Variants in PDE11A observed in about 807,000 individuals in gnomAD.
PDE11A encodes dual 3',5'-cyclic-AMP and -GMP phosphodiesterase 11A.
A neutral mutation model predicts 100.5 loss-of-function variants in PDE11A; 100 were observed. The ratio of observed to expected loss-of-function variants is 1.00; its 90% CI spans 0.85 to 1.18. The LOEUF (loss-of-function observed/expected upper bound fraction) is 1.18, where lower values mean the gene tolerates loss of function less well. Ranked by LOEUF, PDE11A falls within the 50% of genes most tolerant of loss-of-function variation. The pLI, the probability that PDE11A is intolerant of heterozygous loss-of-function variation, is 0.00. For missense variants in PDE11A, 1,141 were observed against 1,152.6 expected, an observed-to-expected ratio of 0.99 and a Z score of 0.15; for synonymous variants, 381 against 420.8, an observed-to-expected ratio of 0.91 and a Z score of 1.16.
chr2:177,867,505 G>A (rs2084050988), intron 5 of PDE11A, among the ~76,000 whole-genome samples: 5 of 152,092 alleles, frequency 3.3e-5, no homozygotes, highest in Admixed American at 2.6e-4. Flanking sequence ...CAAGGTGGGC[G>A]CATCACGAGG....
At chr2:177,693,204 A>G (rs2081066974) in intron 15 of PDE11A, among the ~76,000 whole-genome samples, 1 of 152,142 alleles carries the variant, frequency 6.6e-6, no homozygotes, top group Non-Finnish European at 1.5e-5. Context: ...GGTCCTGCGG[A>G]TCACATACTT....
At chr2:177,652,312 C>A (rs2080322543) in intron 19 of PDE11A, among the ~76,000 whole-genome samples, 1 of 152,202 alleles carries the variant, frequency 6.6e-6, no homozygotes, top group Non-Finnish European at 1.5e-5. Context: ...TTCCTAAGAA[C>A]ATGTCATCTG....
At chr2:177,920,408 G>A (rs1393862011) in intron 2 of PDE11A, among the ~76,000 whole-genome samples, 2 of 151,460 alleles carry the variant, frequency 1.3e-5, no homozygotes, top group Non-Finnish European at 2.9e-5. Flanking sequence ...ATAGCTAAAA[G>A]AAGAACAAAA....
chr2:178,054,836 A>T (rs2086878422), intron 1 of PDE11A, among the ~76,000 whole-genome samples: 1 of 152,240 alleles, frequency 6.6e-6, no homozygotes, highest in Non-Finnish European at 1.5e-5. Flanking sequence ...ATCATTAAAA[A>T]GTCAGGAAAC....
At chr2:177,997,645 C>T (rs554007302) in intron 2 of PDE11A, 1 of 1,472,686 alleles carries the variant, frequency 6.8e-7, no homozygotes, top group African/African-American at 1.4e-5. Context: ...GTATTGCAGC[C>T]TGATTTTGAA....
upstream of PDE11A, chr2:178,073,000 C>G: frequency 1.0e-6 from 1 of 985,314 alleles, no homozygotes; most frequent in Non-Finnish European, 1.2e-6. Context: ...GGGAAACGCA[C>G]CTTGTTCCTT....
chr2:177,670,058 G>T (rs1486008802), intron 17 of PDE11A, among the ~76,000 whole-genome samples: 1 of 152,214 alleles, frequency 6.6e-6, no homozygotes, highest in East Asian at 1.9e-4. Context: ...ACCAATATTT[G>T]TATGCACTCT....
At chr2:177,709,873 C>T (rs1011008134) in intron 13 of PDE11A, among the ~76,000 whole-genome samples, 1 of 152,114 alleles carries the variant, frequency 6.6e-6, no homozygotes, top group African/African-American at 2.4e-5. Context: ...CCACGGGTGT[C>T]ATTCCTGAGG....
chr2:177,873,839 G>T (rs2084186023), intron 5 of PDE11A, among the ~76,000 whole-genome samples: 1 of 152,056 alleles, frequency 6.6e-6, no homozygotes, highest in East Asian at 1.9e-4. Flanking sequence ...TTTACTTACT[G>T]GTTTCTATTT....
chr2:177,743,270 T>G (rs1370656), intron 10 of PDE11A, among the ~76,000 whole-genome samples: 117,539 of 152,170 alleles, frequency 0.77, 46,840 homozygotes, highest in East Asian at 0.99. Context: ...GATCACTAAT[T>G]GTTAGCACCA....
intron 14 of PDE11A, among the ~76,000 whole-genome samples, chr2:177,699,360 C>T (rs959752330): frequency 9.9e-5 from 15 of 152,280 alleles, no homozygotes; most frequent in African/African-American, 3.6e-4. Flanking sequence ...ATGGGACCAC[C>T]GTCGCACCAA....
In PDE11A at chr2:177,885,453, C is replaced by G. The variant is rs80283420; in HGVS notation, c.1303-9530G>C. 9.7e-3 allele frequency among the ~76,000 whole-genome samples: 1,477 copies of G among 152,206 alleles called. 20 individuals carry two copies. The highest frequency in any genetic ancestry group is 0.034 in the African/African-American group (1,406 of 41,530). The stretch of plus-strand genomic sequence containing the variant: ...CATGCGCTGTCCTGGAACCAATACC[C>G]AACAGATACTGAGGGATGACTGTGT... On this transcript the variant is annotated intron_variant, in intron 4 of 19. Transcript: ENST00000286063.
At chr2:177,751,915 A>AT (rs2082031074) in intron 10 of PDE11A, among the ~76,000 whole-genome samples, 1 of 152,038 alleles carries the variant, frequency 6.6e-6, no homozygotes, top group African/African-American at 2.4e-5. Flanking sequence ...TTCTGTTCTC[A>AT]TTTTTGTGAC....
chr2:177,979,199 C>T (rs2085848023), intron 2 of PDE11A, among the ~76,000 whole-genome samples: 1 of 150,594 alleles, frequency 6.6e-6, no homozygotes, highest in Non-Finnish European at 1.5e-5. Flanking sequence ...ATGCATATGT[C>T]CCAGATTGCA....
chr2:177,778,108 A>G (rs1274976040), intron 9 of PDE11A, among the ~76,000 whole-genome samples: 1 of 152,262 alleles, frequency 6.6e-6, no homozygotes, highest in Non-Finnish European at 1.5e-5. Context: ...GAAAGAAGTC[A>G]CGTTTTTGTG....
At chr2:177,768,369 T>C (rs2082266920) in intron 10 of PDE11A, among the ~76,000 whole-genome samples, 1 of 152,220 alleles carries the variant, frequency 6.6e-6, no homozygotes, top group Non-Finnish European at 1.5e-5. Flanking sequence ...CTCTGCACCA[T>C]ATATATGCAA....
chr2:177,729,379 G>T (rs1049884519), intron 10 of PDE11A, among the ~76,000 whole-genome samples: 1 of 152,150 alleles, frequency 6.6e-6, no homozygotes, highest in African/African-American at 2.4e-5. Context: ...AGTCTGATGT[G>T]TAGTTTTCAT....
intron 2 of PDE11A, among the ~76,000 whole-genome samples, chr2:177,908,664 C>A (rs2084828344): frequency 6.6e-6 from 1 of 152,122 alleles, no homozygotes; most frequent in African/African-American, 2.4e-5. Flanking sequence ...TGGTGTGCGT[C>A]CAGCTATAGC....
intron 6 of PDE11A, among the ~76,000 whole-genome samples, chr2:177,833,218 C>A (rs2083339105): frequency 6.6e-6 from 1 of 152,136 alleles, no homozygotes; most frequent in Non-Finnish European, 1.5e-5. Flanking sequence ...GGATGTCTGG[C>A]CACTCTTATC....
Sources: gnomAD v4.1 joint callset for allele counts (sites outside exome capture counted in the v4.1 genomes callset) on GRCh38, gnomAD v4.1.1 for gene constraint, MANE v1.5 for transcripts, NCBI Gene and HGNC (gene_info 2026-07-23, HGNC 2026-07-21) for gene names.